Variants in TP53TG5 observed in about 807,000 individuals in gnomAD.
TP53TG5 encodes TP53-target gene 5 protein.
A neutral mutation model predicts 30.0 loss-of-function variants in TP53TG5; 17 were observed. That is an observed-to-expected ratio of 0.57 (90% CI 0.39 to 0.85). The LOEUF is 0.85. TP53TG5 is among the 40% of genes least tolerant of loss of function. The pLI is 0.00. For synonymous variants in TP53TG5, 137 were observed against 139.2 expected (o/e 0.98, Z 0.11); for missense variants, 338 against 367.9 (o/e 0.92, Z 0.67).
At chr20:45,374,956 G>T in intron 4 of TP53TG5, 83 bp downstream of exon 4, 1 of 1,536,478 alleles carries the variant, frequency 6.5e-7, no homozygotes, top group South Asian at 1.3e-5. Context: ...TCCAGATCCT[G>T]AACCCTGACT....
In TP53TG5 at chr20:45,378,267, G is replaced by A; in HGVS notation, c.-31C>T. On this transcript the variant is annotated 5_prime_UTR_variant, in exon 1 of 5. Coordinates refer to ENST00000372726, the MANE Select transcript of TP53TG5 (RefSeq NM_014477.3). ...GGCTGTGAGACCTCAGAGATGAATGGAGCAACACCAGTGCCAGGCACCAAC... is the reference window on the plus strand; with the variant it reads ...GGCTGTGAGACCTCAGAGATGAATGAAGCAACACCAGTGCCAGGCACCAAC... 6.2e-7 allele frequency: 1 copy of A among 1,613,850 alleles called. No homozygotes were observed. Among genetic ancestry groups the A allele is most frequent in the Non-Finnish European group, 8.5e-7 (1 of 1,179,914 alleles).
chr20:45,376,340 G>A (rs1167401360), intron 3 of TP53TG5: 3 of 152,244 alleles, frequency 2.0e-5, no homozygotes, highest in African/African-American at 7.2e-5. Flanking sequence ...TGCAGATAAT[G>A]GCAATACTGT....
intron 3 of TP53TG5, chr20:45,376,491 A>G (rs1022509705): frequency 6.6e-6 from 1 of 152,248 alleles, no homozygotes; most frequent in African/African-American, 2.4e-5. Context: ...TTGGATTCAG[A>G]CAAACGGGCT....
Position 45,377,622 on chromosome 20 carries a change from CAG to C in TP53TG5, c.49-11_49-10del. On this transcript the variant is annotated splice_polypyrimidine_tract_variant and intron_variant, in intron 1 of 4. Coordinates refer to ENST00000372726, the MANE Select transcript of TP53TG5 (RefSeq NM_014477.3). ...AGTTTCTCATCTTGCATCTGAGGGA[CAG>C]AGGATAAGAGAGACATAAACCCAGA... 1.2e-6 allele frequency: 2 copies of C among 1,613,170 alleles called. No individual in the cohort carries two copies. The highest frequency in any genetic ancestry group is 1.7e-6 in the Non-Finnish European group (2 of 1,179,566).
At chr20:45,375,856 G>C in intron 3 of TP53TG5, 1 of 364,884 alleles carries the variant, frequency 2.7e-6, no homozygotes, top group Non-Finnish European at 5.0e-6. Flanking sequence ...CTGGGAGGGT[G>C]AACAGTCCAG....
At chr20:45,377,172 C>A in intron 3 of TP53TG5, 40 bp downstream of exon 3, 2 of 1,608,520 alleles carry the variant, frequency 1.2e-6, no homozygotes, top group Non-Finnish European at 1.7e-6. Context: ...CCCAGAAAGA[C>A]GGCATTTGGG....
rs767432249 is a variant in TP53TG5 at position 45,377,539 on chromosome 20, C to G, written c.123G>C (p.Thr41=). 1 of 1,613,944 alleles carries G rather than the reference C, an allele frequency of 6.2e-7. No individual in the cohort carries two copies. The change falls in exon 2 of 5, where the codon ACG becomes ACC. Residue 41 remains threonine (T), a splice_region_variant and synonymous_variant. Transcript: ENST00000372726. ...SKVIERNRLR[T]VLKNLSLLKL... ...CTGGGGCCAAAACAGGGCGTCTCAC[C>G]GTTCTCAGACGGTTCCGCTCAATTA...
intron 3 of TP53TG5, 157 bp from the exon 4 acceptor site, chr20:45,375,709 G>T: frequency 1.2e-6 from 1 of 831,262 alleles, no homozygotes; most frequent in Non-Finnish European, 1.9e-6. Flanking sequence ...CTGGTGTGAG[G>T]AGGTGTGATG....
Position 45,377,262 on chromosome 20 carries a change from C to G in TP53TG5, c.204G>C (p.Arg68Ser), listed in dbSNP as rs746292966. Residue 68 changes from arginine (R) to serine (S), a missense_variant, in exon 3 of 5, where the codon AGG (arginine) becomes AGC (serine). Physicochemically the swap from Arg to Ser is moderately radical, Grantham distance 110. Transcript: ENST00000372726. ...RIQELHKLAK[R>S]CWHSLLSVPK... is the part of the protein sequence containing the mutation. ...GAACACTGAGCAGTGAATGCCAACA[C>G]CTTTTGGCCAGCTTATGCAGTTCTT... The G allele has an allele frequency of 6.2e-7, 1 of 1,614,166 alleles. No individual in the cohort carries two copies. Among genetic ancestry groups the G allele is most frequent in the East Asian group, 2.2e-5 (1 of 44,894 alleles).
intron 1 of TP53TG5, 67 bp downstream of exon 1, chr20:45,378,122 G>A: frequency 1.2e-6 from 2 of 1,606,914 alleles, no homozygotes; most frequent in Non-Finnish European, 1.7e-6. Context: ...CCTTTCCTTG[G>A]CATGGTGGAT....
At chr20:45,377,648 G>A (rs753003394) in intron 1 of TP53TG5, 35 bp from the exon 2 acceptor site, 1 of 1,605,172 alleles carries the variant, frequency 6.2e-7, no homozygotes, top group South Asian at 1.1e-5. Context: ...CATAAACCCA[G>A]AGGAATCAGC....
chr20:45,377,117 T>C lies in TP53TG5; in HGVS notation c.254+95A>G, dbSNP rs1988756106. ...AAATACCTCTCTCACAGAGGCTTTG[T>C]GAAAATTAGACTTGTTCTCTAAATG... On this transcript the variant is annotated intron_variant, in intron 3 of 4. Transcript: ENST00000372726. The C allele has an allele frequency of 2.6e-6, 4 of 1,510,378 alleles. No homozygotes were observed. In the Admixed American group the frequency reaches 8.1e-5, roughly 30 times the overall value. 93.6% of individuals were successfully genotyped at this position (1,510,378 alleles called of 1,614,324 possible). A position where few individuals can be genotyped will look rare whatever the true frequency, so the allele number is the denominator to read the frequency against.
intron 4 of TP53TG5, chr20:45,374,353 G>T: frequency 1.5e-6 from 1 of 665,750 alleles, no homozygotes; most frequent in Non-Finnish European, 2.7e-6. Flanking sequence ...GCTCACTGCA[G>T]CCTCGACTCC....
chr20:45,375,643 T>G, intron 3 of TP53TG5, 91 bp from the exon 4 acceptor site: 1 of 1,481,248 alleles, frequency 6.8e-7, no homozygotes. Context: ...GGGAGCCTGT[T>G]AAGAAAGGCT....
At chr20:45,376,524 C>G (rs1600758161) in intron 3 of TP53TG5, 1 of 152,352 alleles carries the variant, frequency 6.6e-6, no homozygotes, top group East Asian at 1.9e-4. Context: ...CTGCCTCTTA[C>G]CACCTGTGTG....
intron 3 of TP53TG5, chr20:45,376,251 T>C (rs1188318673): frequency 2.0e-5 from 3 of 152,376 alleles, no homozygotes; most frequent in African/African-American, 4.8e-5. Flanking sequence ...AGGGTGTCTG[T>C]AACAGACTGG....
rs773867397 is a variant in TP53TG5 at position 45,373,999 on chromosome 20, A to G, written c.781T>C (p.Trp261Arg). The G allele has an allele frequency of 4.0e-5, 65 of 1,614,030 alleles. No individual in the cohort carries two copies. The highest frequency in any genetic ancestry group is 5.3e-5 in the Non-Finnish European group (63 of 1,180,036). Residue 261 changes from tryptophan (W) to arginine (R), a missense_variant, in exon 5 of 5, where the codon TGG (tryptophan) becomes CGG (arginine). Trp to Arg is a moderately radical substitution (Grantham distance 101, BLOSUM62 -3). Coordinates refer to ENST00000372726, the MANE Select transcript of TP53TG5 (RefSeq NM_014477.3). ...MWHPYKVDVT[W>R]TRARGASRGW... is the part of the protein sequence containing the mutation. ...CTGCTCGCACCTCTGGCTCTCGTCC[A>G]GGTCACATCAACCTGCCAGCAGAAA...
intron 3 of TP53TG5, 130 bp downstream of exon 3, chr20:45,377,080 AAT>A (rs1328766660): frequency 8.2e-7 from 1 of 1,213,952 alleles, no homozygotes; most frequent in East Asian, 2.4e-5. Context: ...CCAGCAGTAA[AAT>A]AGAGTTAATA....
At position 45,375,606 on chromosome 20, in the gene TP53TG5, G is replaced by A. The variant is rs537097359; in HGVS notation, c.255-54C>T. 30 of 1,549,100 alleles carry A rather than the reference G, an allele frequency of 1.9e-5. No individual in the cohort carries two copies. In the East Asian group the frequency reaches 4.9e-4, roughly 25 times the overall value. On this transcript the variant is annotated intron_variant, in intron 3 of 4. Coordinates refer to ENST00000372726, the MANE Select transcript of TP53TG5 (RefSeq NM_014477.3). ...CAGCAGGACCGAGGCCCTGGTTCCCGAGACAGTTGCTATGTAGCCAGCTCA... is the reference window on the plus strand; with the variant it reads ...CAGCAGGACCGAGGCCCTGGTTCCCAAGACAGTTGCTATGTAGCCAGCTCA...
Sources: gnomAD v4.1 joint callset for allele counts on GRCh38, gnomAD v4.1.1 for gene constraint, MANE v1.5 for transcripts, NCBI Gene and HGNC (gene_info 2026-07-23, HGNC 2026-07-21) for gene names.